The following LPP variants were observed in gnomAD, a reference collection of about 807,000 sequenced individuals.
LPP encodes the protein lipoma-preferred partner.
A neutral mutation model predicts 60.4 loss-of-function variants in LPP; 38 were observed. The observed-to-expected ratio is 0.63, with a 90% CI of 0.49 to 0.83. The LOEUF is 0.83. Ranked by LOEUF, LPP falls within the 40% of genes least tolerant of loss-of-function variation. LPP has a pLI of 0.00. For synonymous variants in LPP, 328 were observed against 290.8 expected (o/e 1.13, Z -1.30); for missense variants, 902 against 783.6 (o/e 1.15, Z -1.80).
At chr3:188,502,360 T>C (rs1812177690) in intron 5 of LPP, among the ~76,000 whole-genome samples, 1 of 152,238 alleles carries the variant, frequency 6.6e-6, no homozygotes, top group African/African-American at 2.4e-5. Flanking sequence ...TAATATAATG[T>C]TCTTCATCTC....
rs35411155 is a variant in LPP at position 188,689,917 on chromosome 3, AT to A, written c.1114-18338del. Among the ~76,000 whole-genome samples, 121 of 147,472 alleles carry A rather than the reference AT, an allele frequency of 8.2e-4. 1 individual carries two copies. Among genetic ancestry groups the A allele is most frequent in the Admixed American group, 9.5e-4 (14 of 14,762 alleles). ...ATGGTATATCAGGAATTCTGAGCTCATTTTTTTTTTTTGGCTCAATAAGTGA... is the reference window on the plus strand; with the variant it reads ...ATGGTATATCAGGAATTCTGAGCTCATTTTTTTTTTTGGCTCAATAAGTGA... On this transcript the variant is annotated intron_variant, in intron 7 of 11. Transcript: ENST00000617246.
chr3:188,657,856 G>A (rs1304010979), intron 7 of LPP, among the ~76,000 whole-genome samples: 1 of 152,144 alleles, frequency 6.6e-6, no homozygotes, highest in Non-Finnish European at 1.5e-5. Context: ...AAATATGCAT[G>A]CTCATAGTAC....
At chr3:188,343,182 C>T (rs531804037) in intron 3 of LPP, among the ~76,000 whole-genome samples, 15 of 152,192 alleles carry the variant, frequency 9.9e-5, no homozygotes, top group Non-Finnish European at 2.1e-4. Context: ...CACCCATCAA[C>T]GGGCCCCGAT....
chr3:188,175,813 C>T (rs1221947177), intron 1 of LPP, among the ~76,000 whole-genome samples: 3 of 151,952 alleles, frequency 2.0e-5, no homozygotes, highest in Non-Finnish European at 2.9e-5. Flanking sequence ...TGCCACTGTG[C>T]TCATAGTTGG....
intron 9 of LPP, among the ~76,000 whole-genome samples, chr3:188,768,648 A>G (rs905986500): frequency 1.3e-5 from 2 of 152,220 alleles, no homozygotes; most frequent in South Asian, 2.1e-4. Context: ...TCGATTTATT[A>G]TGCAACATTT....
chr3:188,281,585 C>T (rs1431588300), intron 2 of LPP, among the ~76,000 whole-genome samples: 1 of 109,018 alleles, frequency 9.2e-6, no homozygotes, highest in Non-Finnish European at 1.7e-5. Flanking sequence ...GTCTGGGCAA[C>T]AGAGGAAGAC....
chr3:188,447,716 C>T (rs1327510342), intron 4 of LPP, among the ~76,000 whole-genome samples: 2 of 151,506 alleles, frequency 1.3e-5, no homozygotes, highest in Non-Finnish European at 2.9e-5. Context: ...GTGGAGGTTG[C>T]AGTGAGCCGA....
intron 2 of LPP, among the ~76,000 whole-genome samples, chr3:188,296,819 C>A (rs1344227934): frequency 2.0e-5 from 3 of 152,194 alleles, no homozygotes; most frequent in African/African-American, 7.2e-5. Context: ...CTGCCTCTAA[C>A]AGTCAGGTAA....
At chr3:188,640,867 T>C (rs998852652) in intron 7 of LPP, among the ~76,000 whole-genome samples, 2 of 152,318 alleles carry the variant, frequency 1.3e-5, no homozygotes, top group African/African-American at 4.8e-5. Context: ...TAATCACAAC[T>C]TCCCATACAG....
Position 188,609,118 on chromosome 3 carries a change from A to C in LPP, c.430-43A>C, listed in dbSNP as rs1178669067. Reference sequence around the variant, plus strand: ...ATTTTTATTGAGTTTCGTTGGCAGTAATTTTTGCTTTCTTTCTTTCTTTTT... The same window carrying C: ...ATTTTTATTGAGTTTCGTTGGCAGTCATTTTTGCTTTCTTTCTTTCTTTTT... On this transcript the variant is annotated intron_variant, in intron 6 of 11. Coordinates refer to ENST00000617246, the MANE Select transcript of LPP (RefSeq NM_001375462.1). This position sits in a 1 kb window ranked among gnomAD's most constrained non-coding sequence, Gnocchi z 6.9. 7.2e-7 allele frequency: 1 copy of C among 1,397,590 alleles called. No individual in the cohort carries two copies. Among genetic ancestry groups the C allele is most frequent in the South Asian group, 1.3e-5 (1 of 75,748 alleles). 86.6% of individuals were successfully genotyped at this position (1,397,590 alleles called of 1,614,324 possible). A position where few individuals can be genotyped will look rare whatever the true frequency, so the allele number is the denominator to read the frequency against.
intron 9 of LPP, among the ~76,000 whole-genome samples, chr3:188,775,737 G>A (rs796224526): frequency 4.6e-4 from 70 of 152,286 alleles, no homozygotes; most frequent in African/African-American, 1.6e-3. Context: ...TGCACAGATC[G>A]ATAAACCCCA....
rs75825858 is a variant in LPP, at chr3:188,261,869, A to C, written c.-67+36342A>C. On this transcript the variant is annotated intron_variant, in intron 2 of 11. Transcript: ENST00000617246. ...GAGTTTAAGGCTGCAGTGAGCTAGA[A>C]CGGTGCCATTGCACTTCAGCTTGGG... Among the ~76,000 whole-genome samples, 326 of 152,326 alleles carry C rather than the reference A, an allele frequency of 2.1e-3. 4 individuals carry two copies. Among genetic ancestry groups the C allele is most frequent in the Admixed American group, 7.4e-3 (113 of 15,288 alleles).
chr3:188,617,415 G>T (rs777135079), intron 7 of LPP, among the ~76,000 whole-genome samples: 2 of 152,132 alleles, frequency 1.3e-5, no homozygotes, highest in Non-Finnish European at 2.9e-5. Flanking sequence ...ACCTTTAAAA[G>T]GTGTAATAAT....
Position 188,309,073 on chromosome 3 carries a change from G to A in LPP, c.-66-32590G>A, listed in dbSNP as rs1162366682. On this transcript the variant is annotated intron_variant, in intron 2 of 11. Transcript: ENST00000617246. ...GTCTCACTCTGTTGCCCAGGCTGGA[G>A]TGTAGTGGTGCAATCCCTGCTCCTG... Among the ~76,000 whole-genome samples, 6 of 117,398 alleles carry A rather than the reference G, an allele frequency of 5.1e-5. No homozygotes were observed. The Middle Eastern group carries it at 0.016, about 313-fold the overall frequency. The allele number at this position is 117,398 out of a possible 152,430, so 77.0% of individuals were successfully genotyped here. A position where few individuals can be genotyped will look rare whatever the true frequency, so the allele number is the denominator to read the frequency against.
chr3:188,571,518 A>C (rs1459939577), intron 6 of LPP, among the ~76,000 whole-genome samples: 1 of 152,102 alleles, frequency 6.6e-6, no homozygotes, highest in African/African-American at 2.4e-5. Context: ...GTTTGCTTTA[A>C]ACAAAATAAA....
rs538532013 is a variant in LPP, at chr3:188,522,914, G to A, written c.307-1751G>A. Among the ~76,000 whole-genome samples, 54 of 150,740 alleles carry A rather than the reference G, an allele frequency of 3.6e-4. No individual in the cohort carries two copies. The South Asian group carries it at 6.9e-3, about 19-fold the overall frequency. On this transcript the variant is annotated intron_variant, in intron 5 of 11. Coordinates refer to ENST00000617246, the MANE Select transcript of LPP (RefSeq NM_001375462.1). ...TGTGTGTGTGTGTATATACATATATGTATGTATGTTTGAGACAGAGTCTCG... is the reference window on the plus strand; with the variant it reads ...TGTGTGTGTGTGTATATACATATATATATGTATGTTTGAGACAGAGTCTCG...
chr3:188,298,596 C>T (rs532458634), intron 2 of LPP, among the ~76,000 whole-genome samples: 80 of 152,204 alleles, frequency 5.3e-4, no homozygotes, highest in African/African-American at 1.9e-3. Flanking sequence ...TCAAACTTTA[C>T]GGGTATCAAT....
chr3:188,718,937 A>T (rs1319172569), intron 8 of LPP, among the ~76,000 whole-genome samples: 1 of 152,190 alleles, frequency 6.6e-6, no homozygotes, highest in African/African-American at 2.4e-5. Context: ...AGGGTCCCAA[A>T]TTTGTTAGTG....
chr3:188,732,254 T>G (rs1315589970), intron 8 of LPP, among the ~76,000 whole-genome samples: 1 of 152,196 alleles, frequency 6.6e-6, no homozygotes, highest in Non-Finnish European at 1.5e-5. Flanking sequence ...TCTGACGCAA[T>G]GAGAACCAGG....
Sources: gnomAD v4.1 joint callset for allele counts (sites outside exome capture counted in the v4.1 genomes callset) on GRCh38, gnomAD v4.1.1 for gene constraint, Gnocchi (gnomAD v3.1) non-coding constraint, MANE v1.5 for transcripts, NCBI Gene and HGNC (gene_info 2026-07-23, HGNC 2026-07-21) for gene names.